The following PIP4K2C variants were observed in gnomAD, a reference collection of about 807,000 sequenced individuals.
The protein encoded by PIP4K2C is phosphatidylinositol-5-phosphate 4-kinase type 2 gamma, also known as phosphatidylinositol 5-phosphate 4-kinase type-2 gamma.
PIP4K2C carries 21 observed loss-of-function variants against 45.0 expected under a neutral mutation model. The observed-to-expected ratio is 0.47, with a 90% CI of 0.33 to 0.67. The LOEUF is 0.67. Ranked by LOEUF, PIP4K2C falls within the 30% of genes least tolerant of loss-of-function variation. The pLI is 0.02. For missense variants in PIP4K2C, 456 were observed against 542.8 expected, an observed-to-expected ratio of 0.84 and a Z score of 1.59; for synonymous variants, 201 against 204.8, an observed-to-expected ratio of 0.98 and a Z score of 0.16.
chr12:57,600,423 A>G lies in PIP4K2C; in HGVS notation c.799A>G (p.Lys267Glu). ...EEKKIFLEKL[K>E]RDVEFLVQLK... ...GAAGAAAATATTTCTGGAGAAGCTG[A>G]AGAGAGATGTGGAGGTGATGATTGG... The change falls in exon 7 of 10, where the codon AAG becomes GAG. Residue 267 changes from lysine to glutamate, a missense_variant. Coordinates refer to ENST00000354947, the MANE Select transcript of PIP4K2C (RefSeq NM_024779.5). 1 of 1,602,276 alleles carries G rather than the reference A, an allele frequency of 6.2e-7. No homozygotes were observed.
chr12:57,592,176 C>G (rs1484710696), intron 1 of PIP4K2C, among the ~76,000 whole-genome samples: 1 of 152,172 alleles, frequency 6.6e-6, no homozygotes, highest in African/African-American at 2.4e-5. Context: ...CTGAGGGGCT[C>G]TGTTCCTGAG....
In PIP4K2C at chr12:57,603,227, T is replaced by C. The variant is rs920446806; in HGVS notation, c.*1621T>C. 1 of 152,654 alleles carries C rather than the reference T, an allele frequency of 6.6e-6. No homozygotes were observed. The highest frequency in any genetic ancestry group is 1.5e-5 in the Non-Finnish European group (1 of 68,040). 9.5% of individuals were successfully genotyped at this position (152,654 alleles called of 1,614,324 possible). A position where few individuals can be genotyped will look rare whatever the true frequency, so the allele number is the denominator to read the frequency against. On this transcript the variant is annotated 3_prime_UTR_variant, in exon 10 of 10. Coordinates refer to ENST00000354947, the MANE Select transcript of PIP4K2C (RefSeq NM_024779.5). ...TCTCCCTTTCCCCCGATGAATGCAATAAAACTCTGTGACACCAGCAACCAT... is the reference window on the plus strand; with the variant it reads ...TCTCCCTTTCCCCCGATGAATGCAACAAAACTCTGTGACACCAGCAACCAT...
Position 57,601,336 on chromosome 12 carries a change from T to C in PIP4K2C, c.1173T>C (p.Thr391=). The change falls in exon 9 of 10, where the codon ACT becomes ACC. Residue 391 remains threonine (T), a synonymous_variant. Transcript: ENST00000354947. ...AGAAAGCAGCTCATGCAGCCAAAAC[T>C]GTCAAGCATGGGGTGAGAGTTCGCA... is the stretch of plus-strand genomic sequence containing the variant. ...AKKKAAHAAK[T]VKHGAGAEIS... The C allele has an allele frequency of 2.5e-6, 4 of 1,612,988 alleles. No homozygotes were observed. Among genetic ancestry groups the C allele is most frequent in the Non-Finnish European group, 3.4e-6 (4 of 1,179,058 alleles).
intron 4 of PIP4K2C, chr12:57,597,858 A>G (rs942896464): frequency 3.9e-5 from 6 of 152,230 alleles, no homozygotes; most frequent in African/African-American, 1.4e-4. Context: ...AAGTGCCACA[A>G]AGCTGAAATA....
chr12:57,601,075 GA>G lies in PIP4K2C; in HGVS notation c.1080del (p.Gly361GlufsTer69), dbSNP rs1325110995. The G allele has an allele frequency of 3.7e-6, 6 of 1,612,494 alleles. No individual in the cohort carries two copies. On this transcript the variant is annotated frameshift_variant and splice_region_variant, in exon 8 of 10. Coordinates refer to ENST00000354947, the MANE Select transcript of PIP4K2C (RefSeq NM_024779.5). LOFTEE classifies it high-confidence loss of function. ...FIDVYAIRSAEGAPQKEVYFM... is the reference protein window; with the variant it reads ...FIDVYAIRSAXGAPQKEVYFM... Reference sequence around the variant, plus strand: ...TGATGTCTATGCCATCCGGAGTGCTGAAGGTGAGAGAACCGGGACAATTTAA... The same window carrying G: ...TGATGTCTATGCCATCCGGAGTGCTGAGGTGAGAGAACCGGGACAATTTAA...
At chr12:57,596,995 C>T (rs2140187985) in intron 4 of PIP4K2C, among the ~76,000 whole-genome samples, 1 of 152,262 alleles carries the variant, frequency 6.6e-6, no homozygotes, top group South Asian at 2.1e-4. Context: ...ACTTGTAAGG[C>T]ACAGAGCCAT....
chr12:57,595,850 A>T, intron 3 of PIP4K2C, 38 bp from the exon 4 acceptor site: 1 of 1,609,860 alleles, frequency 6.2e-7, no homozygotes, highest in Non-Finnish European at 8.5e-7. Flanking sequence ...GCATATAAAG[A>T]GGGAGGAAAA....
At chr12:57,596,687 G>C (rs1791871584) in intron 4 of PIP4K2C, among the ~76,000 whole-genome samples, 1 of 152,182 alleles carries the variant, frequency 6.6e-6, no homozygotes, top group South Asian at 2.1e-4. Context: ...TAGGCCCTAT[G>C]TTAGGCAGTA....
chr12:57,591,692 C>A (rs1236290212), intron 1 of PIP4K2C, among the ~76,000 whole-genome samples: 1 of 152,222 alleles, frequency 6.6e-6, no homozygotes, highest in Non-Finnish European at 1.5e-5. Flanking sequence ...ACCTTCCCCC[C>A]GTGAAATCCA....
chr12:57,594,054 G>A lies in PIP4K2C; in HGVS notation c.204G>A (p.Pro68=), dbSNP rs773111952. Residue 68 remains proline (P), a synonymous_variant, in exon 2 of 10, where the codon CCG becomes CCA. Transcript: ENST00000354947. ...ATGAGCTCAGCCAGGTGCCTCCCCC[G>A]GTGATGCTGCTGCCAGATGACTTTA... ...SINELSQVPP[P]VMLLPDDFKA... 7.3e-5 allele frequency: 117 copies of A among 1,613,754 alleles called. No individual in the cohort carries two copies. The highest frequency in any genetic ancestry group is 9.6e-5 in the Non-Finnish European group (113 of 1,179,958).
chr12:57,597,227 C>CTGGAAG (rs953466880), intron 4 of PIP4K2C, among the ~76,000 whole-genome samples: 8 of 152,228 alleles, frequency 5.3e-5, no homozygotes, highest in African/African-American at 1.9e-4. Flanking sequence ...GGAGGGAACA[C>CTGGAAG]TGGAAGGGTG....
At position 57,600,965 on chromosome 12, in the gene PIP4K2C, G is replaced by A; in HGVS notation, c.968G>A (p.Gly323Asp). Residue 323 changes from glycine (G) to aspartate (D), a missense_variant, in exon 8 of 10, where the codon GGC becomes GAC. By Grantham distance (94) the Gly-to-Asp change is moderately conservative (BLOSUM62 -1). Coordinates refer to ENST00000354947, the MANE Select transcript of PIP4K2C (RefSeq NM_024779.5). ...CSLTGPPALVGSYGTSPEGIG... is the reference protein window; with the variant it reads ...CSLTGPPALVDSYGTSPEGIG... Reference sequence around the variant, plus strand: ...CTGACTGGACCTCCTGCTCTGGTGGGCTCCTATGGCACCTCCCCAGAGGGT... The same window carrying A: ...CTGACTGGACCTCCTGCTCTGGTGGACTCCTATGGCACCTCCCCAGAGGGT... 1.2e-6 allele frequency: 2 copies of A among 1,614,200 alleles called. No homozygotes were observed. Among genetic ancestry groups the A allele is most frequent in the Admixed American group, 1.7e-5 (1 of 60,026 alleles).
In PIP4K2C at chr12:57,595,239, G is replaced by A. The variant is rs1883138342; in HGVS notation, c.369+17G>A. 1 of 1,537,198 alleles carries A rather than the reference G, an allele frequency of 6.5e-7. No individual in the cohort carries two copies. On this transcript the variant is annotated intron_variant, in intron 3 of 9. Transcript: ENST00000354947. ...GATTACTTGGTGAGAGTCCATTAAG[G>A]GGTGAGGGTAGCCCTTTCTCCCCAG...
chr12:57,600,162 A>C (rs115454176), intron 6 of PIP4K2C, among the ~76,000 whole-genome samples, 162 bp from the exon 7 acceptor site: 2,497 of 152,238 alleles, frequency 0.016, 32 homozygotes, highest in East Asian at 0.052. Context: ...GTAGTGACTG[A>C]GTCTGTGGAA....
At chr12:57,595,255 T>C (rs762394540) in intron 3 of PIP4K2C, 33 bp downstream of exon 3, 51 of 1,378,160 alleles carry the variant, frequency 3.7e-5, no homozygotes, top group Non-Finnish European at 5.2e-6. Context: ...GGGTAGCCCT[T>C]TCTCCCCAGC....
intron 6 of PIP4K2C, among the ~76,000 whole-genome samples, chr12:57,599,959 A>G (rs1047846597): frequency 1.3e-5 from 2 of 151,676 alleles, no homozygotes; most frequent in Non-Finnish European, 2.9e-5. Context: ...TGGGAGAATC[A>G]CTTGAGTCCA....
At position 57,591,195 on chromosome 12, in the gene PIP4K2C, C is replaced by G. The variant is rs1594933133; in HGVS notation, c.-95C>G. ...GCGCGTCCGCTGTCCGGCCTCCGGT[C>G]ACGTGACAGCAGCGCAGGTGAGCGC... is the stretch of plus-strand genomic sequence containing the variant. On this transcript the variant is annotated 5_prime_UTR_variant, in exon 1 of 10. Transcript: ENST00000354947. 7.7e-7 allele frequency: 1 copy of G among 1,300,736 alleles called. No individual in the cohort carries two copies. The highest frequency in any genetic ancestry group is 1.4e-5 in the South Asian group (1 of 70,792). The allele number at this position is 1,300,736 out of a possible 1,614,324, so 80.6% of individuals were successfully genotyped here. A position where few individuals can be genotyped will look rare whatever the true frequency, so the allele number is the denominator to read the frequency against.
intron 4 of PIP4K2C, among the ~76,000 whole-genome samples, chr12:57,597,195 C>T (rs1015302754): frequency 2.6e-5 from 4 of 152,032 alleles, no homozygotes; most frequent in Non-Finnish European, 4.4e-5. Context: ...AATGTGACAG[C>T]GTTTTAGAGA....
chr12:57,601,035 G>GT lies in PIP4K2C; in HGVS notation c.1041dup (p.Glu348Ter). Reference sequence around the variant, plus strand: ...CCCATCGGCCCCTGGGCCCAGGAGAGTTTGAGTCCTTCATTGATGTCTATG... The same window carrying GT: ...CCCATCGGCCCCTGGGCCCAGGAGAGTTTTGAGTCCTTCATTGATGTCTATG... On this transcript the variant is annotated frameshift_variant, in exon 8 of 10. Transcript: ENST00000354947. LOFTEE classifies it high-confidence loss of function. 1 of 1,613,992 alleles carries GT rather than the reference G, an allele frequency of 6.2e-7. No homozygotes were observed. Among genetic ancestry groups the GT allele is most frequent in the Non-Finnish European group, 8.5e-7 (1 of 1,180,030 alleles).
Sources: allele counts gnomAD v4.1 joint callset (sites outside exome capture counted in the v4.1 genomes callset), GRCh38; gene constraint gnomAD v4.1.1; transcripts MANE v1.5; gene names NCBI Gene and HGNC (gene_info 2026-07-23, HGNC 2026-07-21).